Variants in SH3PXD2A observed in about 807,000 individuals in gnomAD.
The protein encoded by SH3PXD2A is SH3 and PX domains 2A.
Under a neutral mutation model 115.2 loss-of-function variants are expected in SH3PXD2A, and 32 were observed. That is an observed-to-expected ratio of 0.28 (90% confidence interval 0.21 to 0.37). The LOEUF is 0.37. SH3PXD2A is among the 10% of genes least tolerant of loss of function. The pLI, the probability that SH3PXD2A is intolerant of heterozygous loss-of-function variation, is 1.00. For missense variants in SH3PXD2A, 1,328 were observed against 1,498.7 expected, an observed-to-expected ratio of 0.89 and a Z score of 1.88; for synonymous variants, 610 against 629.1, an observed-to-expected ratio of 0.97 and a Z score of 0.45.
At chr10:103,661,168 C>T in intron 7 of SH3PXD2A, 54 bp from the exon 8 acceptor site, 3 of 1,589,970 alleles carry the variant, frequency 1.9e-6, no homozygotes, top group Non-Finnish European at 2.6e-6. Flanking sequence ...GGCCCCGCGG[C>T]CAGGGCGCCC....
At chr10:103,735,307 A>G (rs893435591) in intron 4 of SH3PXD2A, among the ~76,000 whole-genome samples, 1 of 152,374 alleles carries the variant, frequency 6.6e-6, no homozygotes. Context: ...GAATAAACAA[A>G]TGTGTACTGC....
chr10:103,825,859 G>C (rs560304090), intron 1 of SH3PXD2A, among the ~76,000 whole-genome samples: 54 of 151,664 alleles, frequency 3.6e-4, no homozygotes, highest in Non-Finnish European at 7.4e-4. Context: ...CACCTCCCGG[G>C]TTCTCGCCAT....
In SH3PXD2A at chr10:103,613,172, G is replaced by A. The variant is rs2036454415; in HGVS notation, c.939C>T (p.Gly313=). Residue 313 remains glycine (G), a synonymous_variant, in exon 12 of 15, where the codon GGC becomes GGT. Coordinates refer to ENST00000369774, the MANE Select transcript of SH3PXD2A (RefSeq NM_001394015.1). The stretch of plus-strand genomic sequence containing the variant: ...TCTTCAGGTAGGATGCTGGCGCCCA[G>A]CCCTCTTTGCCCAGGTATCTGTGGG... ...WWYIRYLGKE[G]WAPASYLKKA... 6.2e-7 allele frequency: 1 copy of A among 1,601,210 alleles called. No individual in the cohort carries two copies. Among genetic ancestry groups the A allele is most frequent in the African/African-American group, 1.3e-5 (1 of 74,174 alleles).
At chr10:103,616,363 G>A (rs1052838804) in intron 11 of SH3PXD2A, among the ~76,000 whole-genome samples, 7 of 152,182 alleles carry the variant, frequency 4.6e-5, no homozygotes, top group Non-Finnish European at 7.4e-5. Flanking sequence ...GGTGGGCAAA[G>A]TCATCACAGC....
chr10:103,669,687 G>A (rs912328736), intron 6 of SH3PXD2A, among the ~76,000 whole-genome samples: 2 of 152,230 alleles, frequency 1.3e-5, no homozygotes, highest in African/African-American at 4.8e-5. Flanking sequence ...TCTCTGCTGG[G>A]CTGCTCATCA....
chr10:103,785,225 G>A (rs550932684), intron 2 of SH3PXD2A, among the ~76,000 whole-genome samples: 12 of 152,336 alleles, frequency 7.9e-5, no homozygotes, highest in African/African-American at 2.9e-4. Flanking sequence ...CCTTTCCTGG[G>A]CACCTGCCCA....
chr10:103,765,887 C>T (rs2038748728), intron 3 of SH3PXD2A, among the ~76,000 whole-genome samples: 2 of 152,238 alleles, frequency 1.3e-5, no homozygotes, highest in Non-Finnish European at 2.9e-5. Flanking sequence ...AGGAGCAATG[C>T]TATGACCCTG....
chr10:103,630,458 C>G (rs2036762018), intron 8 of SH3PXD2A, among the ~76,000 whole-genome samples: 1 of 152,198 alleles, frequency 6.6e-6, no homozygotes, highest in Non-Finnish European at 1.5e-5. Flanking sequence ...TGTCATCTCT[C>G]TGGACACTGT....
chr10:103,822,681 T>C (rs542458641), intron 1 of SH3PXD2A, among the ~76,000 whole-genome samples: 32 of 152,358 alleles, frequency 2.1e-4, no homozygotes, highest in African/African-American at 5.8e-4. Flanking sequence ...GAAACTGATC[T>C]GAATACCACC....
chr10:103,765,659 G>A (rs2038746450), intron 3 of SH3PXD2A, among the ~76,000 whole-genome samples: 1 of 152,198 alleles, frequency 6.6e-6, no homozygotes, highest in African/African-American at 2.4e-5. Flanking sequence ...ATGCCCCAAG[G>A]CCAGCCTAAC....
At position 103,596,511 on chromosome 10, in the gene SH3PXD2A, A is replaced by G. The variant is rs1041692602; in HGVS notation, c.*5305T>C. ...GACACACTTGCTGCCAGAAGCTGTG[A>G]GTCCCTTGGGACCTGCCCATTGCCA... is the stretch of plus-strand genomic sequence containing the variant. On this transcript the variant is annotated 3_prime_UTR_variant, in exon 15 of 15. Coordinates refer to ENST00000369774, the MANE Select transcript of SH3PXD2A (RefSeq NM_001394015.1). The G allele has an allele frequency of 6.6e-6, 1 of 152,636 alleles. No individual in the cohort carries two copies. The highest frequency in any genetic ancestry group is 2.4e-5 in the African/African-American group (1 of 41,448). 9.5% of individuals were successfully genotyped at this position (152,636 alleles called of 1,614,324 possible).
chr10:103,660,933 C>CG lies in SH3PXD2A; in HGVS notation c.604+49dup, dbSNP rs756616666. 6 of 1,605,068 alleles carry CG rather than the reference C, an allele frequency of 3.7e-6. No individual in the cohort carries two copies. The South Asian group carries it at 5.5e-5, about 15-fold the overall frequency. On this transcript the variant is annotated intron_variant, in intron 8 of 14. Transcript: ENST00000369774. ...GGGAGGAACAAAAACCAGCTCGGCCCGGGGGCCAGACCGGAACCCCAGTGG... is the reference window on the plus strand; with the variant it reads ...GGGAGGAACAAAAACCAGCTCGGCCCGGGGGGCCAGACCGGAACCCCAGTGG...
chr10:103,778,497 T>C (rs2038901871), intron 2 of SH3PXD2A, among the ~76,000 whole-genome samples: 1 of 152,258 alleles, frequency 6.6e-6, no homozygotes, highest in South Asian at 2.1e-4. Flanking sequence ...TCCAGCTTAT[T>C]CTTTCCTAGC....
At chr10:103,820,479 G>C (rs1307220135) in intron 1 of SH3PXD2A, among the ~76,000 whole-genome samples, 2 of 152,212 alleles carry the variant, frequency 1.3e-5, no homozygotes, top group Non-Finnish European at 2.9e-5. Flanking sequence ...ATCAGGCTGA[G>C]GTTGAGGTGA....
intron 1 of SH3PXD2A, among the ~76,000 whole-genome samples, chr10:103,821,703 C>T (rs768525700): frequency 3.3e-5 from 5 of 152,046 alleles, no homozygotes; most frequent in African/African-American, 4.8e-5. Flanking sequence ...GTAGCTGGGA[C>T]TACAGGGGCG....
intron 3 of SH3PXD2A, among the ~76,000 whole-genome samples, chr10:103,737,951 T>C (rs1049879296): frequency 6.6e-6 from 1 of 152,124 alleles, no homozygotes; most frequent in Non-Finnish European, 1.5e-5. Flanking sequence ...ATCTCTCATC[T>C]CTCCATGATG....
At chr10:103,638,609 G>T in intron 8 of SH3PXD2A, among the ~76,000 whole-genome samples, 1 of 152,260 alleles carries the variant, frequency 6.6e-6, no homozygotes, top group South Asian at 2.1e-4. Flanking sequence ...CCAGCTGCAT[G>T]AATTTGGGCA....
intron 13 of SH3PXD2A, among the ~76,000 whole-genome samples, chr10:103,606,938 G>A (rs978132505): frequency 3.4e-5 from 5 of 147,800 alleles, no homozygotes; most frequent in Admixed American, 1.3e-4. Context: ...AGTGAGGAGC[G>A]TCTCTGCCTG....
rs10706432 is a variant in SH3PXD2A at position 103,682,756 on chromosome 10, C to CA, written c.427+10271dup. 1.9e-3 allele frequency among the ~76,000 whole-genome samples: 257 copies of CA among 138,316 alleles called. 2 individuals carry two copies. Among genetic ancestry groups the CA allele is most frequent in the Non-Finnish European group, 2.4e-3 (149 of 63,386 alleles). 90.7% of individuals were successfully genotyped at this position (138,316 alleles called of 152,430 possible). On this transcript the variant is annotated intron_variant, in intron 6 of 14. Transcript: ENST00000369774. ...TGGGCAACAGAGCCAGATTCCGTCT[C>CA]AAAAAAAAAAAAAACAAAACAAACC...
Sources: gnomAD v4.1 joint callset for allele counts (sites outside exome capture counted in the v4.1 genomes callset) on GRCh38, gnomAD v4.1.1 for gene constraint, MANE v1.5 for transcripts, NCBI Gene and HGNC (gene_info 2026-07-23, HGNC 2026-07-21) for gene names.